Variants in SLC36A1 observed in about 807,000 individuals in gnomAD.
SLC36A1 encodes the protein proton-coupled amino acid transporter 1.
In SLC36A1, 30 loss-of-function variants were observed where a neutral mutation model predicts 47.5. That is an observed-to-expected ratio of 0.63 (90% CI 0.47 to 0.86). The LOEUF is 0.86. Ranked by LOEUF, SLC36A1 falls within the 40% of genes least tolerant of loss-of-function variation. The probability of loss-of-function intolerance (pLI) is 0.00; values close to 1 mark genes in which losing one functional copy is unlikely to be tolerated. For synonymous variants in SLC36A1, 255 were observed against 249.7 expected (o/e 1.02, Z -0.20); for missense variants, 517 against 606.0 (o/e 0.85, Z 1.54).
chr5:151,517,544 C>T, the SLC36A1 span: 2 of 1,564,830 alleles, frequency 1.3e-6, no homozygotes, highest in Non-Finnish European at 8.7e-7. Context: ...GGCTTCCTGA[C>T]ATTCCTCATG....
the SLC36A1 span, among the ~76,000 whole-genome samples, chr5:151,357,382 G>A: frequency 0.073 from 11,097 of 152,298 alleles, 957 homozygotes; most frequent in African/African-American, 0.21. Flanking sequence ...TGGTTCTTCT[G>A]TCAAGGGAGA....
chr5:151,350,279 C>T, the SLC36A1 span, among the ~76,000 whole-genome samples: 2 of 152,184 alleles, frequency 1.3e-5, no homozygotes, highest in Admixed American at 1.3e-4. Context: ...AGGTGTGTTA[C>T]ATGAGGTAGG....
Position 151,467,187 on chromosome 5 carries a change from C to A in SLC36A1, c.420-12C>A. 1 of 1,593,422 alleles carries A rather than the reference C, an allele frequency of 6.3e-7. No homozygotes were observed. Among genetic ancestry groups the A allele is most frequent in the Non-Finnish European group, 8.6e-7 (1 of 1,166,174 alleles). ...GTAACAGTCTTTGTATTCCTTCCTTCCCCACCTCCAGACGTGTTGTGGACT... is the reference window on the plus strand; with the variant it reads ...GTAACAGTCTTTGTATTCCTTCCTTACCCACCTCCAGACGTGTTGTGGACT... On this transcript the variant is annotated splice_polypyrimidine_tract_variant and intron_variant, in intron 5 of 10. Coordinates refer to ENST00000243389, the MANE Select transcript of SLC36A1 (RefSeq NM_078483.4).
At chr5:151,464,675 G>A (rs912556280) in intron 4 of SLC36A1, 73 bp downstream of exon 4, 2 of 1,253,596 alleles carry the variant, frequency 1.6e-6, no homozygotes, top group Non-Finnish European at 2.3e-6. Flanking sequence ...CTGAAAATGA[G>A]CACTGATGCA....
the SLC36A1 span, chr5:151,554,619 C>T: frequency 6.2e-7 from 1 of 1,614,054 alleles, no homozygotes; most frequent in South Asian, 1.1e-5. Flanking sequence ...AAGATGCCTA[C>T]CACCACCCTG....
chr5:151,545,408 T>C, the SLC36A1 span: 2 of 1,614,192 alleles, frequency 1.2e-6, no homozygotes, highest in Non-Finnish European at 1.7e-6. Context: ...CCAGTTTTGA[T>C]GCTATAATTG....
At chr5:151,531,441 GAGA>G in the SLC36A1 span, 6 of 1,165,508 alleles carry the variant, frequency 5.1e-6, no homozygotes, top group Non-Finnish European at 6.0e-6. The surrounding 1 kb of genome is among the most constrained non-coding windows in gnomAD (Gnocchi z 5.7). Context: ...GGTACTCGGA[GAGA>G]AGCAGAAGAG....
At chr5:151,355,499 A>G in the SLC36A1 span, among the ~76,000 whole-genome samples, 1 of 152,226 alleles carries the variant, frequency 6.6e-6, no homozygotes, top group East Asian at 1.9e-4. Context: ...AATCTCTTCT[A>G]GAAATGCTCA....
chr5:151,401,193 G>T, the SLC36A1 span, among the ~76,000 whole-genome samples: 1 of 152,114 alleles, frequency 6.6e-6, no homozygotes. Flanking sequence ...GTTAATTTTT[G>T]TATATAGTGA....
chr5:151,500,278 A>C, the SLC36A1 span, among the ~76,000 whole-genome samples: 1 of 152,196 alleles, frequency 6.6e-6, no homozygotes, highest in Non-Finnish European at 1.5e-5. Context: ...TATTTAAGTT[A>C]CTAACATAAA....
chr5:151,550,178 T>C, the SLC36A1 span, among the ~76,000 whole-genome samples: 5 of 152,158 alleles, frequency 3.3e-5, no homozygotes, highest in Admixed American at 3.3e-4. Flanking sequence ...TGCAGGCACA[T>C]GGCCCAGAGA....
the SLC36A1 span, among the ~76,000 whole-genome samples, chr5:151,514,088 T>G: frequency 7.9e-5 from 12 of 152,236 alleles, no homozygotes; most frequent in Non-Finnish European, 1.3e-4. Context: ...TCTAACCCAG[T>G]GTTTCTTATA....
chr5:151,518,996 C>G, the SLC36A1 span, among the ~76,000 whole-genome samples: 2 of 152,054 alleles, frequency 1.3e-5, no homozygotes, highest in South Asian at 4.2e-4. Context: ...AGAACAAAAG[C>G]CAAAAGGAGG....
chr5:151,467,677 T>G (rs1450114951), intron 6 of SLC36A1, 30 bp from the exon 7 acceptor site: 9 of 1,583,264 alleles, frequency 5.7e-6, no homozygotes, highest in Non-Finnish European at 7.8e-6. Flanking sequence ...TTGAGAGGTG[T>G]TTCCGTTTTC....
chr5:151,450,159 T>C (rs1753419969), intron 1 of SLC36A1, among the ~76,000 whole-genome samples: 2 of 151,352 alleles, frequency 1.3e-5, no homozygotes, highest in Admixed American at 6.6e-5. Context: ...CTTACTAGCA[T>C]GTAAAGTGGA....
the SLC36A1 span, among the ~76,000 whole-genome samples, chr5:151,508,215 A>G: frequency 1.4e-4 from 21 of 152,144 alleles, no homozygotes; most frequent in African/African-American, 4.8e-4. Flanking sequence ...GCCCCATCCC[A>G]TTTGAGTCCA....
upstream of SLC36A1, among the ~76,000 whole-genome samples, chr5:151,445,485 T>C (rs1326803844): frequency 6.6e-6 from 1 of 152,254 alleles, no homozygotes; most frequent in Non-Finnish European, 1.5e-5. Flanking sequence ...AAGGTGATGC[T>C]GGCCTCATAA....
chr5:151,496,728 G>A (rs897515523), downstream of SLC36A1, among the ~76,000 whole-genome samples: 1 of 152,150 alleles, frequency 6.6e-6, no homozygotes, highest in Non-Finnish European at 1.5e-5. Flanking sequence ...GCTGATTTTT[G>A]TACTTTTAGT....
At chr5:151,508,995 C>A in the SLC36A1 span, among the ~76,000 whole-genome samples, 1 of 152,000 alleles carries the variant, frequency 6.6e-6, no homozygotes, top group Non-Finnish European at 1.5e-5. Context: ...GTTTGGGAGC[C>A]CTAAAACCAG....
Sources: allele counts gnomAD v4.1 joint callset (sites outside exome capture counted in the v4.1 genomes callset), GRCh38; gene constraint gnomAD v4.1.1; non-coding constraint Gnocchi (gnomAD v3.1); transcripts MANE v1.5; gene names NCBI Gene and HGNC (gene_info 2026-07-23, HGNC 2026-07-21).